RASGEF1C: variants seen among roughly 807,000 people sequenced by gnomAD.
RASGEF1C encodes RasGEF domain family member 1C, also known as ras-GEF domain-containing family member 1C.
In RASGEF1C, 27 loss-of-function variants were observed where a neutral mutation model predicts 58.1. That is an observed-to-expected ratio of 0.46 (90% CI 0.34 to 0.64). RASGEF1C has a LOEUF of 0.64. Among genes scored for constraint, RASGEF1C ranks in the 30% least tolerant of loss-of-function variants. The probability of loss-of-function intolerance (pLI) is 0.01; values close to 1 mark genes in which losing one functional copy is unlikely to be tolerated. For missense variants in RASGEF1C, 502 were observed against 605.1 expected, an observed-to-expected ratio of 0.83 and a Z score of 1.79; for synonymous variants, 243 against 246.3, an observed-to-expected ratio of 0.99 and a Z score of 0.13.
intron 6 of RASGEF1C, among the ~76,000 whole-genome samples, chr5:180,124,353 A>C (rs1387226869): frequency 1.3e-5 from 2 of 152,242 alleles, no homozygotes; most frequent in African/African-American, 4.8e-5. Flanking sequence ...GGGTAAGAGA[A>C]ACAAAGACTA....
intron 1 of RASGEF1C, among the ~76,000 whole-genome samples, chr5:180,147,028 A>G (rs1487395206): frequency 6.6e-6 from 1 of 151,760 alleles, no homozygotes; most frequent in Non-Finnish European, 1.5e-5. Flanking sequence ...TTTTTTTTTC[A>G]TGATTTCAGT....
intron 1 of RASGEF1C, among the ~76,000 whole-genome samples, chr5:180,184,421 A>G (rs1755991200): frequency 6.6e-6 from 1 of 152,028 alleles, no homozygotes. Flanking sequence ...CTAAAAAAAT[A>G]CAAATATAAG....
At position 180,186,718 on chromosome 5, in the gene RASGEF1C, G is replaced by A. The variant is rs146446162; in HGVS notation, c.-7+22310C>T. On this transcript the variant is annotated intron_variant, in intron 1 of 13. Coordinates refer to ENST00000361132, the MANE Select transcript of RASGEF1C (RefSeq NM_175062.4). ...CAGTGGCTCACGCTTGTAATCCCAGGACTTTGGGAGGCCAAGGCGGGCTGG... is the reference window on the plus strand; with the variant it reads ...CAGTGGCTCACGCTTGTAATCCCAGAACTTTGGGAGGCCAAGGCGGGCTGG... 2.0e-3 allele frequency among the ~76,000 whole-genome samples: 310 copies of A among 152,180 alleles called. 2 individuals are homozygous for A. The highest frequency in any genetic ancestry group is 7.2e-3 in the African/African-American group (297 of 41,516).
At chr5:180,149,303 G>A (rs1320352756) in intron 1 of RASGEF1C, among the ~76,000 whole-genome samples, 1 of 150,938 alleles carries the variant, frequency 6.6e-6, no homozygotes, top group Non-Finnish European at 1.5e-5. Flanking sequence ...GGCCAGGATG[G>A]TCTCAATATC....
At chr5:180,135,192 G>A (rs1030737319) in intron 4 of RASGEF1C, 1 of 152,218 alleles carries the variant, frequency 6.6e-6, no homozygotes, top group Non-Finnish European at 1.5e-5. Context: ...GAAGTGTGGG[G>A]AGGAGGAAGA....
In RASGEF1C at chr5:180,197,085, C is replaced by A. The variant is rs763098948; in HGVS notation, c.-7+11943G>T. Among the ~76,000 whole-genome samples, 1 of 152,228 alleles carries A rather than the reference C, an allele frequency of 6.6e-6. No homozygotes were observed. Among genetic ancestry groups the A allele is most frequent in the Non-Finnish European group, 1.5e-5 (1 of 68,042 alleles). On this transcript the variant is annotated intron_variant, in intron 1 of 13. Coordinates refer to ENST00000361132, the MANE Select transcript of RASGEF1C (RefSeq NM_175062.4). The surrounding 1 kb of genome is among the most constrained non-coding windows in gnomAD (Gnocchi z 4.7). ...GGGCAGGGCTGCTCTCACTGACAGG[C>A]GCCTGTGGCCAGCCTGCCTCTGATG...
chr5:180,101,646 G>A, intron 13 of RASGEF1C, 121 bp from the exon 14 acceptor site: 1 of 1,252,398 alleles, frequency 8.0e-7, no homozygotes, highest in Non-Finnish European at 1.1e-6. Flanking sequence ...GCCCCAGAGG[G>A]GTGTTCTGCA....
intron 1 of RASGEF1C, among the ~76,000 whole-genome samples, chr5:180,193,964 C>T (rs991942274): frequency 4.7e-5 from 7 of 150,122 alleles, no homozygotes; most frequent in Admixed American, 3.3e-4. Flanking sequence ...AGCTGGGAGA[C>T]GGGTGTGTGG....
chr5:180,108,347 G>GC (rs1486126997), intron 12 of RASGEF1C, among the ~76,000 whole-genome samples: 1 of 151,740 alleles, frequency 6.6e-6, no homozygotes, highest in Non-Finnish European at 1.5e-5. Flanking sequence ...GACTACAGGT[G>GC]CCCGACACCA....
Position 180,137,641 on chromosome 5 carries a change from G to T in RASGEF1C, c.249C>A (p.Val83=). Residue 83 remains valine, a synonymous_variant, in exon 3 of 14, where the codon GTC becomes GTA. Transcript: ENST00000361132. This position sits in a 1 kb window ranked among gnomAD's most constrained non-coding sequence, Gnocchi z 4.1. ...GCTGCTGCTCGATGCACAGGTGGCA[G>T]ACCCGGGCCAGGAGCTCCCGGGGCT... ...FIEPRELLAR[V]CHLCIEQQQL... is the part of the protein sequence containing the mutation. 1 of 1,612,644 alleles carries T rather than the reference G, an allele frequency of 6.2e-7. No individual in the cohort carries two copies. The highest frequency in any genetic ancestry group is 8.5e-7 in the Non-Finnish European group (1 of 1,179,942).
intron 1 of RASGEF1C, among the ~76,000 whole-genome samples, chr5:180,144,870 T>C (rs1241173772): frequency 1.3e-5 from 2 of 152,204 alleles, no homozygotes; most frequent in African/African-American, 4.8e-5. Context: ...ATTTTTACCA[T>C]TCTGGGTACC....
chr5:180,164,741 C>T (rs1297184939), intron 1 of RASGEF1C, among the ~76,000 whole-genome samples: 1 of 152,186 alleles, frequency 6.6e-6, no homozygotes, highest in Non-Finnish European at 1.5e-5. Context: ...TCCATTTGCA[C>T]TTGAAAAGAA....
At chr5:180,185,779 A>G (rs1339610577) in intron 1 of RASGEF1C, among the ~76,000 whole-genome samples, 2 of 152,152 alleles carry the variant, frequency 1.3e-5, no homozygotes, top group Non-Finnish European at 2.9e-5. Flanking sequence ...AGAAATTTCA[A>G]CTGGAGTTAA....
rs2113256174 is a variant in RASGEF1C at position 180,121,085 on chromosome 5, T to C, written c.779A>G (p.Tyr260Cys). ...CATGCAGATCTCAGTTGCCACCAGG[T>C]AGCACAGCCTGTTGAACCATTTCAC... Reference protein sequence around the residue: ...AYVKWFNRLCYLVATEICMPA... With the variant: ...AYVKWFNRLCCLVATEICMPA... Residue 260 changes from tyrosine to cysteine, a missense_variant, in exon 7 of 14, where the codon TAC (tyrosine) becomes TGC (cysteine). Transcript: ENST00000361132. 1 of 1,613,986 alleles carries C rather than the reference T, an allele frequency of 6.2e-7. No homozygotes were observed. Among genetic ancestry groups the C allele is most frequent in the Non-Finnish European group, 8.5e-7 (1 of 1,179,858 alleles).
chr5:180,204,558 G>A (rs1156270420), intron 1 of RASGEF1C, among the ~76,000 whole-genome samples: 5 of 148,660 alleles, frequency 3.4e-5, no homozygotes, highest in African/African-American at 1.2e-4. Context: ...CTCTAACAAA[G>A]GTCAACACCA....
intron 1 of RASGEF1C, among the ~76,000 whole-genome samples, chr5:180,196,062 T>C (rs1208747271): frequency 6.6e-6 from 1 of 152,252 alleles, no homozygotes; most frequent in Non-Finnish European, 1.5e-5. Context: ...TTACCATTTT[T>C]TTGTCATGTA....
Position 180,111,571 on chromosome 5 carries a change from C to G in RASGEF1C, c.1189G>C (p.Glu397Gln). 6.2e-7 allele frequency: 1 copy of G among 1,614,168 alleles called. No individual in the cohort carries two copies. Among genetic ancestry groups the G allele is most frequent in the Non-Finnish European group, 8.5e-7 (1 of 1,180,002 alleles). Residue 397 changes from glutamate to glutamine, a missense_variant, in exon 12 of 14, where the codon GAG becomes CAG. Transcript: ENST00000361132. ...NGHVNFEKFLELAKQVGEFIT... is the reference protein window; with the variant it reads ...NGHVNFEKFLQLAKQVGEFIT... The stretch of plus-strand genomic sequence containing the variant: ...AACTCCCCCACCTGCTTGGCCAGCT[C>G]CAGGAATTTCTGCCAGGGTCACAGA...
chr5:180,172,880 C>T (rs1161059560), intron 1 of RASGEF1C, among the ~76,000 whole-genome samples: 1 of 152,230 alleles, frequency 6.6e-6, no homozygotes, highest in Admixed American at 6.5e-5. Context: ...TGTGCTCCCG[C>T]CTCCATGCCT....
At chr5:180,202,985 A>G (rs1756422357) in intron 1 of RASGEF1C, among the ~76,000 whole-genome samples, 1 of 152,150 alleles carries the variant, frequency 6.6e-6, no homozygotes, top group African/African-American at 2.4e-5. Flanking sequence ...GACAGGTGTG[A>G]GCCACCGCGC....
Sources: gnomAD v4.1 joint callset for allele counts (sites outside exome capture counted in the v4.1 genomes callset) on GRCh38, gnomAD v4.1.1 for gene constraint, Gnocchi (gnomAD v3.1) non-coding constraint, MANE v1.5 for transcripts, NCBI Gene and HGNC (gene_info 2026-07-23, HGNC 2026-07-21) for gene names.